The following TMEM94 variants were observed in gnomAD, a reference collection of about 807,000 sequenced individuals.
TMEM94 encodes transmembrane protein 94, also known as ER Mg2+ ATPase.
A neutral mutation model predicts 158.6 loss-of-function variants in TMEM94; 81 were observed. The observed-to-expected ratio is 0.51, with a 90% CI of 0.43 to 0.61. TMEM94 has a LOEUF of 0.61. TMEM94 is among the 20% of genes least tolerant of loss of function. TMEM94 has a pLI of 0.00. For synonymous variants in TMEM94, 751 were observed against 730.7 expected (o/e 1.03, Z -0.45); for missense variants, 1,435 against 1,762.0 (o/e 0.81, Z 3.32).
Position 75,491,144 on chromosome 17 carries a change from C to T in TMEM94, c.1224C>T (p.Gly408=), listed in dbSNP as rs752268559. Residue 408 remains glycine (G), a synonymous_variant, in exon 12 of 32, where the codon GGC becomes GGT. Coordinates refer to ENST00000314256, the MANE Select transcript of TMEM94 (RefSeq NM_014738.6). The surrounding 1 kb of genome is among the most constrained non-coding windows in gnomAD (Gnocchi z 5.1). ...GTTCCAGCCTGCTGCACAGCCTGGG[C>T]TCTGTCACGGTGAGGGTGGGCCTTG... The part of the protein sequence containing the change: ...SHSSSLLHSL[G]SVTVLCCVDK... 4 of 1,609,784 alleles carry T rather than the reference C, an allele frequency of 2.5e-6. No homozygotes were observed. The South Asian group carries it at 4.4e-5, about 18-fold the overall frequency.
At chr17:75,460,193 G>A (rs900672121) in intron 1 of TMEM94, among the ~76,000 whole-genome samples, 1 of 152,182 alleles carries the variant, frequency 6.6e-6, no homozygotes, top group African/African-American at 2.4e-5. Context: ...TGGGAGAGGG[G>A]TGAGGGGTGT....
intron 1 of TMEM94, among the ~76,000 whole-genome samples, chr17:75,461,292 G>A (rs920977852): frequency 6.6e-6 from 1 of 151,352 alleles, no homozygotes; most frequent in Admixed American, 6.6e-5. Flanking sequence ...TAGAGCCGGG[G>A]TTTCGCCATG....
In TMEM94 at chr17:75,471,785, C is replaced by A; in HGVS notation, c.-106-15C>A. On this transcript the variant is annotated splice_polypyrimidine_tract_variant and intron_variant, in intron 1 of 31. Coordinates refer to ENST00000314256, the MANE Select transcript of TMEM94 (RefSeq NM_014738.6). ...TTCCAGCAACCTGAGTGATTTCTTT[C>A]TTCTTTTTCCCCAGATGTTGTGACT... is the stretch of plus-strand genomic sequence containing the variant. The A allele has an allele frequency of 1.0e-6, 1 of 959,684 alleles. No homozygotes were observed. The highest frequency in any genetic ancestry group is 2.1e-5 in the Admixed American group (1 of 48,338). 59.4% of individuals were successfully genotyped at this position (959,684 alleles called of 1,614,324 possible).
rs1217028321 is a variant in TMEM94, at chr17:75,463,008, TAAAA to T, written c.-107+6284_-107+6287del. On this transcript the variant is annotated intron_variant, in intron 1 of 31. Coordinates refer to ENST00000314256, the MANE Select transcript of TMEM94 (RefSeq NM_014738.6). ...GACATGTCTCCAAAAATAAAAAAAG[TAAAA>T]AAAAAAAAAAAAAAAAAAAAAAAAA... Among the ~76,000 whole-genome samples, 23 of 5,678 alleles carry T rather than the reference TAAAA, an allele frequency of 4.1e-3. 1 individual carries two copies. The highest frequency in any genetic ancestry group is 0.011 in the East Asian group (1 of 88). 3.7% of individuals were successfully genotyped at this position (5,678 alleles called of 152,430 possible). A position where few individuals can be genotyped will look rare whatever the true frequency, so the allele number is the denominator to read the frequency against.
intron 2 of TMEM94, among the ~76,000 whole-genome samples, chr17:75,483,424 G>T (rs1421192608): frequency 6.6e-6 from 1 of 151,908 alleles, no homozygotes; most frequent in Non-Finnish European, 1.5e-5. Flanking sequence ...GGTGACTCTG[G>T]CAGTAGAGCC....
chr17:75,469,042 G>A (rs1034767497), intron 1 of TMEM94, among the ~76,000 whole-genome samples: 3 of 152,088 alleles, frequency 2.0e-5, no homozygotes, highest in African/African-American at 7.2e-5. Context: ...AGGTGGGGAG[G>A]TAGGGCAAAC....
At chr17:75,457,205 C>A (rs2049921189) in intron 1 of TMEM94, 1 of 152,404 alleles carries the variant, frequency 6.6e-6, no homozygotes, top group Non-Finnish European at 1.5e-5. Context: ...CGGCCGTCCC[C>A]AGCTGGATGG....
Position 75,490,307 on chromosome 17 carries a change from C to G in TMEM94, c.1028C>G (p.Ala343Gly). 3 of 1,614,124 alleles carry G rather than the reference C, an allele frequency of 1.9e-6. No individual in the cohort carries two copies. Among genetic ancestry groups the G allele is most frequent in the Non-Finnish European group, 2.5e-6 (3 of 1,180,030 alleles). The change falls in exon 10 of 32, where the codon GCC becomes GGC. Residue 343 changes from alanine (A) to glycine (G), a missense_variant. Coordinates refer to ENST00000314256, the MANE Select transcript of TMEM94 (RefSeq NM_014738.6). ...LWVLATACGE[A>G]RVLAQMSKAS... Reference sequence around the variant, plus strand: ...GTTCTGGCAACTGCCTGTGGAGAGGCCCGTGTCCTGGCCCAGATGAGCAAG... The same window carrying G: ...GTTCTGGCAACTGCCTGTGGAGAGGGCCGTGTCCTGGCCCAGATGAGCAAG...
intron 2 of TMEM94, among the ~76,000 whole-genome samples, chr17:75,484,852 CATG>C (rs1367393017): frequency 2.6e-5 from 4 of 152,056 alleles, no homozygotes; most frequent in Non-Finnish European, 4.4e-5. Context: ...GCCTGGCCAA[CATG>C]ATGAAACCTC....
chr17:75,468,204 C>T (rs1334630473), intron 1 of TMEM94, among the ~76,000 whole-genome samples: 9 of 152,126 alleles, frequency 5.9e-5, no homozygotes, highest in East Asian at 1.9e-4. Context: ...GACCCTGCTA[C>T]GGGTTTCAGA....
At chr17:75,463,079 TACACACACACACAC>T (rs747265512) in intron 1 of TMEM94, among the ~76,000 whole-genome samples, 2 of 14,294 alleles carry the variant, frequency 1.4e-4, no homozygotes, top group African/African-American at 1.9e-3. Context: ...TATATATATA[TACACACACACACAC>T]ATATATATGT....
rs889178536 is a variant in TMEM94 at position 75,488,820 on chromosome 17, C to T, written c.674C>T (p.Ser225Leu). The T allele has an allele frequency of 6.2e-7, 1 of 1,612,960 alleles. No homozygotes were observed. Among genetic ancestry groups the T allele is most frequent in the Non-Finnish European group, 8.5e-7 (1 of 1,179,298 alleles). ...DLFPPFSPPP[S>L]PRGEVERGPQ... is the part of the protein sequence containing the mutation. ...TTCCCCCCCTTCTCCCCTCCACCCT[C>T]ACCCCGGGGAGAAGTGGAGAGAGGG... Residue 225 changes from serine to leucine, a missense_variant, in exon 7 of 32, where the codon TCA (serine) becomes TTA (leucine). Physicochemically the swap from Ser to Leu is moderately radical, Grantham distance 145. Transcript: ENST00000314256.
rs1401657300 is a variant in TMEM94, at chr17:75,463,043, T to A, written c.-107+6292T>A. ...AAAAAAAAAAAAAAAAAAAAATATATATATATATATATATATATATATATA... is the reference window on the plus strand; with the variant it reads ...AAAAAAAAAAAAAAAAAAAAATATAAATATATATATATATATATATATATA... On this transcript the variant is annotated intron_variant, in intron 1 of 31. Coordinates refer to ENST00000314256, the MANE Select transcript of TMEM94 (RefSeq NM_014738.6). Among the ~76,000 whole-genome samples, 17 of 2,350 alleles carry A rather than the reference T, an allele frequency of 7.2e-3. 2 individuals are homozygous for A. Among genetic ancestry groups the A allele is most frequent in the African/African-American group, 0.043 (14 of 324 alleles). The allele number at this position is 2,350 out of a possible 152,430, so 1.5% of individuals were successfully genotyped here.
At position 75,499,601 on chromosome 17, in the gene TMEM94, C is replaced by T; in HGVS notation, c.*267C>T. ...CTTGAATGTATGGCCTCAGGCGCTC[C>T]CTAGAGGGGCCCTAAACCCCCTCAC... On this transcript the variant is annotated 3_prime_UTR_variant, in exon 32 of 32. Transcript: ENST00000314256. 1.9e-6 allele frequency: 1 copy of T among 525,728 alleles called. No homozygotes were observed. The highest frequency in any genetic ancestry group is 2.3e-5 in the South Asian group (1 of 43,136). The allele number at this position is 525,728 out of a possible 1,614,324, so 32.6% of individuals were successfully genotyped here. A position where few individuals can be genotyped will look rare whatever the true frequency, so the allele number is the denominator to read the frequency against.
chr17:75,494,149 G>A (rs2052472874), intron 18 of TMEM94, among the ~76,000 whole-genome samples: 1 of 152,182 alleles, frequency 6.6e-6, no homozygotes, highest in African/African-American at 2.4e-5. Context: ...GGTTGGTTGT[G>A]ATGCTCAAGT....
intron 1 of TMEM94, among the ~76,000 whole-genome samples, chr17:75,462,656 A>G (rs2050117542): frequency 6.6e-6 from 1 of 151,344 alleles, no homozygotes; most frequent in African/African-American, 2.4e-5. Flanking sequence ...AGCCTGGTCA[A>G]CATAAGTGAG....
intron 16 of TMEM94, 41 bp downstream of exon 16, chr17:75,493,143 C>A: frequency 1.3e-6 from 2 of 1,593,346 alleles, no homozygotes; most frequent in Non-Finnish European, 8.6e-7. Flanking sequence ...GCGAGACCTT[C>A]CAGAGCTTGG....
chr17:75,498,377 T>A lies in TMEM94; in HGVS notation c.3638+54T>A. ...TCGCCTGCCTCGCCTCGAGGCTTCC[T>A]CCCTCCCCACCCCAGCCTACCTCCC... is the stretch of plus-strand genomic sequence containing the variant. On this transcript the variant is annotated intron_variant, in intron 28 of 31. Coordinates refer to ENST00000314256, the MANE Select transcript of TMEM94 (RefSeq NM_014738.6). The surrounding 1 kb of genome is among the most constrained non-coding windows in gnomAD (Gnocchi z 6.7). 1 of 1,611,950 alleles carries A rather than the reference T, an allele frequency of 6.2e-7. No individual in the cohort carries two copies. Among genetic ancestry groups the A allele is most frequent in the Non-Finnish European group, 8.5e-7 (1 of 1,179,086 alleles).
chr17:75,495,644 G>C lies in TMEM94; in HGVS notation c.2944+1G>C. On this transcript the variant is annotated splice_donor_variant, in intron 22 of 31. Transcript: ENST00000314256. LOFTEE classifies it high-confidence loss of function. This position sits in a 1 kb window ranked among gnomAD's most constrained non-coding sequence, Gnocchi z 5.6. ...CTTTTCACCGACTGCACCCCAGAGA[G>C]TGAGTGCTGTGGCCATGGGTACTTG... 6.2e-7 allele frequency: 1 copy of C among 1,613,208 alleles called. No homozygotes were observed. Among genetic ancestry groups the C allele is most frequent in the South Asian group, 1.1e-5 (1 of 91,082 alleles).
Sources: gnomAD v4.1 joint callset for allele counts (sites outside exome capture counted in the v4.1 genomes callset) on GRCh38, gnomAD v4.1.1 for gene constraint, Gnocchi (gnomAD v3.1) non-coding constraint, MANE v1.5 for transcripts, NCBI Gene and HGNC (gene_info 2026-07-23, HGNC 2026-07-21) for gene names.